Variants in SMC6 observed in about 807,000 individuals in gnomAD.
The protein encoded by SMC6 is structural maintenance of chromosomes 6.
A neutral mutation model predicts 142.2 loss-of-function variants in SMC6; 79 were observed. That is an observed-to-expected ratio of 0.56 (90% CI 0.46 to 0.67). The LOEUF is 0.67. SMC6 is among the 30% of genes least tolerant of loss of function. The pLI, the probability that SMC6 is intolerant of heterozygous loss-of-function variation, is 0.00. For synonymous variants in SMC6, 411 were observed against 412.4 expected (o/e 1.00, Z 0.04); for missense variants, 1,072 against 1,284.0 (o/e 0.83, Z 2.52).
At chr2:17,683,956 T>C (rs1422638107) in intron 23 of SMC6, among the ~76,000 whole-genome samples, 193 bp from the exon 24 acceptor site, 1 of 152,066 alleles carries the variant, frequency 6.6e-6, no homozygotes, top group Non-Finnish European at 1.5e-5. Flanking sequence ...AATAAGAAAG[T>C]GCTATCCTGA....
intron 7 of SMC6, among the ~76,000 whole-genome samples, chr2:17,730,030 C>T (rs759664569): frequency 6.6e-6 from 1 of 152,098 alleles, no homozygotes; most frequent in African/African-American, 2.4e-5. Context: ...AATTCTGTAA[C>T]GAGGCAGTAT....
At chr2:17,701,935 G>T (rs1245649320) in intron 19 of SMC6, 26 bp from the exon 20 acceptor site, 2 of 1,301,640 alleles carry the variant, frequency 1.5e-6, no homozygotes, top group Non-Finnish European at 2.1e-6. Context: ...TTGGATTTTA[G>T]TAACATAAAA....
chr2:17,681,750 AC>A (rs1667248294), intron 24 of SMC6: 1 of 152,204 alleles, frequency 6.6e-6, no homozygotes, highest in African/African-American at 2.4e-5. Flanking sequence ...ATCACTGATG[AC>A]AGATCACTAC....
chr2:17,700,166 A>T, intron 21 of SMC6, 42 bp downstream of exon 21: 1 of 1,418,474 alleles, frequency 7.0e-7, no homozygotes, highest in Non-Finnish European at 9.5e-7. Context: ...TATAAAACTA[A>T]AACATAAAAT....
At chr2:17,745,513 TGTCTGCAGG>T (rs1429978272) in intron 3 of SMC6, among the ~76,000 whole-genome samples, 1 of 152,200 alleles carries the variant, frequency 6.6e-6, no homozygotes, top group Non-Finnish European at 1.5e-5. Flanking sequence ...ACCCTTTGGA[TGTCTGCAGG>T]GTCTGTGGAT....
rs373857118 is a variant in SMC6, at chr2:17,721,243, G to T, written c.745C>A (p.Arg249Ser). ...CGTTCCTCTTTCTCTACACACTGGCGCTTTAGTTCAGTAAGCCGCTTAAAA... is the reference window on the plus strand; with the variant it reads ...CGTTCCTCTTTCTCTACACACTGGCTCTTTAGTTCAGTAAGCCGCTTAAAA... The part of the protein sequence containing the change: ...QGEERLTELK[R>S]QCVEKEERFQ... The change falls in exon 10 of 28, where the codon CGC becomes AGC. Residue 249 changes from arginine to serine, a missense_variant. Coordinates refer to ENST00000448223, the MANE Select transcript of SMC6 (RefSeq NM_001142286.2). The T allele has an allele frequency of 1.9e-6, 3 of 1,591,862 alleles. No individual in the cohort carries two copies. Among genetic ancestry groups the T allele is most frequent in the African/African-American group, 1.4e-5 (1 of 73,548 alleles).
At chr2:17,735,594 T>G (rs1214510496) in intron 5 of SMC6, among the ~76,000 whole-genome samples, 2 of 151,940 alleles carry the variant, frequency 1.3e-5, no homozygotes, top group African/African-American at 4.8e-5. Context: ...GCTACCAGGG[T>G]TGGTATTAGG....
intron 2 of SMC6, among the ~76,000 whole-genome samples, chr2:17,747,164 G>A (rs541058991): frequency 2.6e-5 from 4 of 152,216 alleles, no homozygotes; most frequent in East Asian, 1.9e-4. Context: ...GAAGTAATAC[G>A]GTGTTACTTA....
intron 2 of SMC6, among the ~76,000 whole-genome samples, chr2:17,750,521 C>T (rs1670971376): frequency 6.6e-6 from 1 of 152,166 alleles, no homozygotes; most frequent in African/African-American, 2.4e-5. Flanking sequence ...CATACAAAGG[C>T]TTCTATAGCT....
intron 5 of SMC6, among the ~76,000 whole-genome samples, chr2:17,735,444 G>C (rs1670106741): frequency 6.6e-6 from 1 of 152,168 alleles, no homozygotes; most frequent in African/African-American, 2.4e-5. Flanking sequence ...CCTTCTCTGG[G>C]TCACCAGCTC....
intron 7 of SMC6, among the ~76,000 whole-genome samples, chr2:17,728,128 T>A (rs1466874114): frequency 6.6e-6 from 1 of 152,200 alleles, no homozygotes; most frequent in Non-Finnish European, 1.5e-5. Flanking sequence ...CTTGTTATAC[T>A]CCTCTTGGGA....
intron 23 of SMC6, among the ~76,000 whole-genome samples, chr2:17,686,869 G>T (rs72610789): frequency 0.11 from 16,420 of 152,152 alleles, 2,821 homozygotes; most frequent in East Asian, 0.7. Flanking sequence ...TTCACTTTCT[G>T]ATGATTCAAT....
chr2:17,739,085 A>G (rs756403629), intron 4 of SMC6, among the ~76,000 whole-genome samples: 2 of 152,212 alleles, frequency 1.3e-5, no homozygotes, highest in Non-Finnish European at 1.5e-5. Context: ...ACTTAAGTAG[A>G]AAAAAATCAG....
intron 5 of SMC6, among the ~76,000 whole-genome samples, chr2:17,735,265 T>C (rs1670096754): frequency 6.6e-6 from 1 of 152,142 alleles, no homozygotes; most frequent in Non-Finnish European, 1.5e-5. Context: ...AGAGAGACTA[T>C]CTATGAGATT....
chr2:17,690,956 C>G (rs913299607), intron 23 of SMC6, among the ~76,000 whole-genome samples: 1 of 150,054 alleles, frequency 6.7e-6, no homozygotes, highest in African/African-American at 2.4e-5. Context: ...GTTTATACTA[C>G]TAAAAAAAAA....
At chr2:17,685,370 C>A (rs986588716) in intron 23 of SMC6, among the ~76,000 whole-genome samples, 1 of 121,576 alleles carries the variant, frequency 8.2e-6, no homozygotes, top group Non-Finnish European at 1.7e-5. Context: ...AGACAAACAC[C>A]AACATAAACA....
intron 23 of SMC6, among the ~76,000 whole-genome samples, chr2:17,687,966 T>C (rs958729771): frequency 2.6e-5 from 4 of 152,258 alleles, no homozygotes; most frequent in Non-Finnish European, 5.9e-5. Context: ...TAGATATATA[T>C]TGTGGAACTG....
intron 7 of SMC6, among the ~76,000 whole-genome samples, chr2:17,730,820 G>A (rs887668009): frequency 2.6e-5 from 4 of 151,300 alleles, no homozygotes; most frequent in African/African-American, 9.7e-5. Flanking sequence ...CACCATGTTG[G>A]CCAGGCTGGC....
At chr2:17,681,292 T>G (rs1023360274) in intron 24 of SMC6, 1 of 152,222 alleles carries the variant, frequency 6.6e-6, no homozygotes, top group South Asian at 2.1e-4. Flanking sequence ...TCCAGACCAT[T>G]GGAACTTTCT....
Sources: allele counts gnomAD v4.1 joint callset (sites outside exome capture counted in the v4.1 genomes callset), GRCh38; gene constraint gnomAD v4.1.1; transcripts MANE v1.5; gene names NCBI Gene and HGNC (gene_info 2026-07-23, HGNC 2026-07-21).